Variants in SHROOM2 observed in about 807,000 individuals in gnomAD.
SHROOM2 encodes the protein protein Shroom2.
SHROOM2 carries 33 observed loss-of-function variants against 75.9 expected under a neutral mutation model. The ratio of observed to expected loss-of-function variants is 0.43; its 90% CI spans 0.33 to 0.58. The LOEUF (loss-of-function observed/expected upper bound fraction) is 0.58, where lower values mean the gene tolerates loss of function less well. Ranked by LOEUF, SHROOM2 falls within the 20% of genes least tolerant of loss-of-function variation. The pLI, the probability that SHROOM2 is intolerant of heterozygous loss-of-function variation, is 0.04. For missense variants in SHROOM2, 1,434 were observed against 1,461.2 expected (o/e 0.98, Z 0.30); for synonymous variants, 655 against 663.6 (o/e 0.99, Z 0.20).
chrX:9,819,579 C>T lies in SHROOM2; in HGVS notation c.165+32869C>T, dbSNP rs762147411. On this transcript the variant is annotated intron_variant, in intron 1 of 9. Transcript: ENST00000380913. ...TGACATAAACAACTGCAAAAGTTCT[C>T]GGTCTCTAATGTGAAAACATTTTCA... 186 of 155,490 alleles carry T rather than the reference C, an allele frequency of 1.2e-3. 1 individual carries two copies. The highest frequency in any genetic ancestry group is 5.3e-3 in the African/African-American group (165 of 31,374). The allele number at this position is 155,490 out of a possible 1,213,427, so 12.8% of individuals were successfully genotyped here.
At chrX:9,817,832 C>T (rs1337603822) in intron 1 of SHROOM2, among the ~76,000 whole-genome samples, 2 of 111,952 alleles carry the variant, frequency 1.8e-5, no homozygotes, top group Admixed American at 9.5e-5. Flanking sequence ...CTAACAATAT[C>T]TAGCAGCCTC....
At chrX:9,789,105 TA>T (rs2083633119) in intron 1 of SHROOM2, among the ~76,000 whole-genome samples, 1 of 111,686 alleles carries the variant, frequency 9.0e-6, no homozygotes, top group African/African-American at 3.3e-5. Flanking sequence ...GCCCTGAGAA[TA>T]GGCTTTATTT....
chrX:9,925,824 T>C (rs1302652520), intron 5 of SHROOM2, among the ~76,000 whole-genome samples: 2 of 112,446 alleles, frequency 1.8e-5, no homozygotes. Context: ...ACGGGAAGTG[T>C]GTTCACTCTG....
At chrX:9,906,061 A>G (rs1341982312) in intron 5 of SHROOM2, among the ~76,000 whole-genome samples, 1 of 112,497 alleles carries the variant, frequency 8.9e-6, no homozygotes, top group Non-Finnish European at 1.9e-5. Flanking sequence ...TAGACCTGAC[A>G]TCAGCTTTAC....
chrX:9,837,428 C>A (rs2083952659), intron 1 of SHROOM2, among the ~76,000 whole-genome samples: 1 of 112,710 alleles, frequency 8.9e-6, no homozygotes, highest in Non-Finnish European at 1.9e-5. Flanking sequence ...CTTCAACTGA[C>A]AGTTCAAGGG....
In SHROOM2 at chrX:9,858,164, G is replaced by C. The variant is rs144899311; in HGVS notation, c.166-15488G>C. 7.4e-3 allele frequency among the ~76,000 whole-genome samples: 823 copies of C among 111,804 alleles called. 7 individuals carry two copies. The highest frequency in any genetic ancestry group is 0.018 in the East Asian group (63 of 3,521). ...ATATGTTACCCAATAAAAAGTCAAA[G>C]GCTTGAGGGGCCCTTTGAGTTCACT... On this transcript the variant is annotated intron_variant, in intron 1 of 9. Coordinates refer to ENST00000380913, the MANE Select transcript of SHROOM2 (RefSeq NM_001649.4).
At chrX:9,789,162 T>G (rs747395180) in intron 1 of SHROOM2, among the ~76,000 whole-genome samples, 29 of 111,634 alleles carry the variant, frequency 2.6e-4, no homozygotes, top group Non-Finnish European at 4.7e-4. Flanking sequence ...GCATTTTTTG[T>G]AGCTGGAGAA....
At chrX:9,817,086 C>T (rs748388885) in intron 1 of SHROOM2, among the ~76,000 whole-genome samples, 1 of 110,417 alleles carries the variant, frequency 9.1e-6, no homozygotes, top group African/African-American at 3.3e-5. Context: ...ATCCTCCTAC[C>T]TCAGCCTCCT....
At chrX:9,860,635 G>A (rs1421380267) in intron 1 of SHROOM2, among the ~76,000 whole-genome samples, 2 of 111,696 alleles carry the variant, frequency 1.8e-5, no homozygotes, top group African/African-American at 6.5e-5. Flanking sequence ...TGTTGCCCAA[G>A]CTGGTCTTGA....
intron 3 of SHROOM2, among the ~76,000 whole-genome samples, chrX:9,891,681 T>TGG (rs762455951): frequency 9.1e-6 from 1 of 110,307 alleles, no homozygotes; most frequent in African/African-American, 3.3e-5. Flanking sequence ...TGTGAGTGTG[T>TGG]GGGGGGGTGT....
intron 5 of SHROOM2, among the ~76,000 whole-genome samples, chrX:9,931,123 T>G (rs1234766438): frequency 1.8e-5 from 2 of 111,600 alleles, no homozygotes; most frequent in African/African-American, 6.5e-5. Flanking sequence ...CTGACTTCTT[T>G]GAGTGGGGTT....
chrX:9,944,690 C>T lies in SHROOM2; in HGVS notation c.4361C>T (p.Ala1454Val), dbSNP rs748181694. 4 of 1,210,473 alleles carry T rather than the reference C, an allele frequency of 3.3e-6. No homozygotes were observed. Among genetic ancestry groups the T allele is most frequent in the East Asian group, 3.0e-5 (1 of 33,789 alleles). The change falls in exon 9 of 10, where the codon GCC becomes GTC. Residue 1454 changes from alanine (A) to valine (V), a missense_variant. This residue lies in a region of SHROOM2 where 1,340 missense variants were observed against 1,338.3 expected (regional missense o/e 1.00). Coordinates refer to ENST00000380913, the MANE Select transcript of SHROOM2 (RefSeq NM_001649.4). Reference sequence around the variant, plus strand: ...CGCAAGCTGCAGGTGCTCCGGGAGGCCCGCGAGAGCCTGCTGGAGGACGTG... The same window carrying T: ...CGCAAGCTGCAGGTGCTCCGGGAGGTCCGCGAGAGCCTGCTGGAGGACGTG... ...ISRKLQVLREARESLLEDVQA... is the reference protein window; with the variant it reads ...ISRKLQVLREVRESLLEDVQA...
chrX:9,858,356 A>T (rs146713215), intron 1 of SHROOM2, among the ~76,000 whole-genome samples: 21 of 112,529 alleles, frequency 1.9e-4, no homozygotes, highest in African/African-American at 6.8e-4. Context: ...AAGCGGGGAC[A>T]CTTTGTTCTA....
At chrX:9,846,152 C>G (rs893818235) in intron 1 of SHROOM2, among the ~76,000 whole-genome samples, 1 of 109,717 alleles carries the variant, frequency 9.1e-6, no homozygotes, top group African/African-American at 3.3e-5. Context: ...CAGGATCTCA[C>G]TCTGTTGCCC....
chrX:9,934,315 T>A (rs894345789), intron 6 of SHROOM2, among the ~76,000 whole-genome samples: 4 of 111,400 alleles, frequency 3.6e-5, no homozygotes, highest in African/African-American at 1.3e-4. Context: ...CTCAAGTAAT[T>A]TTTTTTCTTA....
intron 1 of SHROOM2, among the ~76,000 whole-genome samples, chrX:9,857,978 G>A (rs976233498): frequency 9.0e-6 from 1 of 111,058 alleles, no homozygotes; most frequent in African/African-American, 3.3e-5. Flanking sequence ...CACTTGCAGC[G>A]GCCCCTCCCA....
chrX:9,823,163 T>TCC (rs2083868196), intron 1 of SHROOM2, among the ~76,000 whole-genome samples: 17 of 41,938 alleles, frequency 4.1e-4, no homozygotes, highest in Non-Finnish European at 4.7e-4. Context: ...CTTCTTCTTC[T>TCC]TTTCTTCTTC....
chrX:9,924,472 C>T (rs1349498460), intron 5 of SHROOM2, among the ~76,000 whole-genome samples: 2 of 111,740 alleles, frequency 1.8e-5, no homozygotes, highest in Non-Finnish European at 3.8e-5. Context: ...CCTCCCGCTT[C>T]AGCCTCCTGA....
intron 3 of SHROOM2, 138 bp downstream of exon 3, chrX:9,891,246 T>C: frequency 1.3e-6 from 1 of 782,627 alleles, no homozygotes; most frequent in Non-Finnish European, 1.8e-6. Flanking sequence ...GGCTCTGAAT[T>C]TTTGACTGAA....
Sources: allele counts gnomAD v4.1 joint callset (sites outside exome capture counted in the v4.1 genomes callset), GRCh38; gene constraint gnomAD v4.1.1; regional missense constraint gnomAD v4.1.1; transcripts MANE v1.5; gene names NCBI Gene and HGNC (gene_info 2026-07-23, HGNC 2026-07-21).